Variants in GSG1L observed in about 807,000 individuals in gnomAD.
The protein encoded by GSG1L is germ cell-specific gene 1-like protein.
Under a neutral mutation model 42.1 loss-of-function variants are expected in GSG1L, and 24 were observed. The observed-to-expected ratio is 0.57, with a 90% CI of 0.41 to 0.80. The LOEUF is 0.80. Ranked by LOEUF, GSG1L falls within the 30% of genes least tolerant of loss-of-function variation. The probability of loss-of-function intolerance (pLI) is 0.00; values close to 1 mark genes in which losing one functional copy is unlikely to be tolerated. For synonymous variants in GSG1L, 215 were observed against 203.5 expected (o/e 1.06, Z -0.48); for missense variants, 445 against 472.2 (o/e 0.94, Z 0.53).
At chr16:28,035,488 T>C (rs1000849416) in intron 1 of GSG1L, among the ~76,000 whole-genome samples, 1 of 152,212 alleles carries the variant, frequency 6.6e-6, no homozygotes, top group African/African-American at 2.4e-5. Context: ...TAGACCCAAC[T>C]GATTTTATAG....
intron 3 of GSG1L, among the ~76,000 whole-genome samples, chr16:27,855,656 G>T (rs1267638603): frequency 1.3e-5 from 2 of 148,936 alleles, no homozygotes; most frequent in Non-Finnish European, 3.0e-5. Context: ...GGAAAGAGAG[G>T]TTGCAGTGAG....
chr16:28,001,369 G>A (rs895400252), intron 1 of GSG1L, among the ~76,000 whole-genome samples: 4 of 152,212 alleles, frequency 2.6e-5, no homozygotes, highest in African/African-American at 4.8e-5. Flanking sequence ...GTGTGCCCAC[G>A]TGGAAGTGTA....
intron 3 of GSG1L, among the ~76,000 whole-genome samples, chr16:27,866,985 G>C (rs1319152203): frequency 6.6e-6 from 1 of 152,190 alleles, no homozygotes; most frequent in Non-Finnish European, 1.5e-5. Context: ...CCCTGGCCCG[G>C]GGGCAGAGGA....
At chr16:27,859,955 TAC>T (rs2140998883) in intron 3 of GSG1L, among the ~76,000 whole-genome samples, 1 of 152,246 alleles carries the variant, frequency 6.6e-6, no homozygotes, top group African/African-American at 2.4e-5. Flanking sequence ...GTGCTGGTAT[TAC>T]AGACGTGAGC....
Position 28,016,413 on chromosome 16 carries a change from C to T in GSG1L, c.349+46663G>A, listed in dbSNP as rs189117436. On this transcript the variant is annotated intron_variant, in intron 1 of 6. Coordinates refer to ENST00000447459, the MANE Select transcript of GSG1L (RefSeq NM_001109763.2). ...AAGGCTGAAACGTTTGATTGTGTGG[C>T]TGGGTACAAATGCCCTCAAGGATTT... Among the ~76,000 whole-genome samples the T allele has an allele frequency of 2.4e-4, 36 of 152,302 alleles. 1 individual carries two copies. The highest frequency in any genetic ancestry group is 8.3e-4 in the South Asian group (4 of 4,826).
chr16:28,046,655 G>A (rs368679146), intron 1 of GSG1L, among the ~76,000 whole-genome samples: 5 of 152,100 alleles, frequency 3.3e-5, no homozygotes, highest in South Asian at 4.2e-4. Flanking sequence ...AGCCCGGCCC[G>A]AAATCCAGTC....
intron 5 of GSG1L, among the ~76,000 whole-genome samples, chr16:27,814,304 G>T (rs774496037): frequency 1.3e-5 from 2 of 152,038 alleles, no homozygotes; most frequent in African/African-American, 2.4e-5. Flanking sequence ...TAAAAACAGG[G>T]TCTCACTATA....
chr16:27,970,338 G>A (rs1179616148), intron 1 of GSG1L, among the ~76,000 whole-genome samples: 1 of 152,000 alleles, frequency 6.6e-6, no homozygotes, highest in Non-Finnish European at 1.5e-5. Context: ...TTGGGAGGCC[G>A]AGGCAGGTGG....
At chr16:28,058,889 G>A (rs1183237366) in intron 1 of GSG1L, among the ~76,000 whole-genome samples, 1 of 152,210 alleles carries the variant, frequency 6.6e-6, no homozygotes, top group Non-Finnish European at 1.5e-5. Flanking sequence ...GGGAAGGCTA[G>A]CTGGAGACTT....
intron 6 of GSG1L, among the ~76,000 whole-genome samples, chr16:27,792,468 C>T (rs765359803): frequency 6.6e-6 from 1 of 152,200 alleles, no homozygotes; most frequent in African/African-American, 2.4e-5. Flanking sequence ...TCCCTTGTCA[C>T]CCCTCAAGTG....
chr16:27,998,199 T>C (rs2085540029), intron 1 of GSG1L: 1 of 152,196 alleles, frequency 6.6e-6, no homozygotes, highest in African/African-American at 2.4e-5. Flanking sequence ...TACCACTCTA[T>C]GTGCCTTTGC....
At chr16:27,813,373 CTCCA>C (rs1474387898) in intron 5 of GSG1L, among the ~76,000 whole-genome samples, 1 of 152,218 alleles carries the variant, frequency 6.6e-6, no homozygotes, top group East Asian at 1.9e-4. Flanking sequence ...GGCCTCCAGG[CTCCA>C]TCCATGTTGC....
chr16:28,040,224 A>G lies in GSG1L; in HGVS notation c.349+22852T>C, dbSNP rs1168996558. Among the ~76,000 whole-genome samples, 1 of 151,450 alleles carries G rather than the reference A, an allele frequency of 6.6e-6. No homozygotes were observed. Among genetic ancestry groups the G allele is most frequent in the East Asian group, 1.9e-4 (1 of 5,168 alleles). ...ACGCCTCCCTTCAGGTCCCTCTCCC[A>G]CCCGAGGGCCTTTTCACTTGCGATT... is the stretch of plus-strand genomic sequence containing the variant. On this transcript the variant is annotated intron_variant, in intron 1 of 6. Coordinates refer to ENST00000447459, the MANE Select transcript of GSG1L (RefSeq NM_001109763.2). This position sits in a 1 kb window ranked among gnomAD's most constrained non-coding sequence, Gnocchi z 4.1.
intron 1 of GSG1L, among the ~76,000 whole-genome samples, chr16:27,980,965 A>C (rs1427859416): frequency 6.6e-6 from 1 of 152,066 alleles, no homozygotes; most frequent in East Asian, 1.9e-4. Context: ...TGAGTGAATC[A>C]CTTGTCTAAC....
intron 1 of GSG1L, among the ~76,000 whole-genome samples, chr16:28,039,427 A>T (rs2086079777): frequency 6.6e-6 from 1 of 152,280 alleles, no homozygotes; most frequent in South Asian, 2.1e-4. Flanking sequence ...AAACTCTACG[A>T]TGCACAGGAT....
intron 4 of GSG1L, among the ~76,000 whole-genome samples, chr16:27,843,529 A>T (rs928128565): frequency 2.7e-5 from 4 of 150,220 alleles, no homozygotes; most frequent in African/African-American, 7.3e-5. Context: ...AAAAAAAAAA[A>T]GGAAGGCTGG....
At chr16:27,865,246 T>C (rs1317752258) in intron 3 of GSG1L, among the ~76,000 whole-genome samples, 2 of 152,124 alleles carry the variant, frequency 1.3e-5, no homozygotes, top group Non-Finnish European at 2.9e-5. Flanking sequence ...CCTCTGGCCC[T>C]CTGGCACCCA....
chr16:28,059,363 G>T lies in GSG1L; in HGVS notation c.349+3713C>A, dbSNP rs1482785621. ...TTGGCTCCCCGCCTGGGTCCTGCAT[G>T]GGTCTTCTGGCTTCACACCCACCCC... On this transcript the variant is annotated intron_variant, in intron 1 of 6. Coordinates refer to ENST00000447459, the MANE Select transcript of GSG1L (RefSeq NM_001109763.2). The surrounding 1 kb of genome is among the most constrained non-coding windows in gnomAD (Gnocchi z 4.4). Among the ~76,000 whole-genome samples, 1 of 152,046 alleles carries T rather than the reference G, an allele frequency of 6.6e-6. No homozygotes were observed. The highest frequency in any genetic ancestry group is 1.5e-5 in the Non-Finnish European group (1 of 68,010).
chr16:27,883,034 G>A (rs748298171), intron 3 of GSG1L, among the ~76,000 whole-genome samples: 164 of 150,586 alleles, frequency 1.1e-3, no homozygotes, highest in Non-Finnish European at 1.7e-3. Context: ...TGGGAGTATC[G>A]CTTGAGCCCT....
Sources: allele counts gnomAD v4.1 joint callset (sites outside exome capture counted in the v4.1 genomes callset), GRCh38; gene constraint gnomAD v4.1.1; non-coding constraint Gnocchi (gnomAD v3.1); transcripts MANE v1.5; gene names NCBI Gene and HGNC (gene_info 2026-07-23, HGNC 2026-07-21).